The following FGF13 variants were observed in gnomAD, a reference collection of about 807,000 sequenced individuals.
The protein encoded by FGF13 is fibroblast growth factor homologous factor 2.
FGF13 carries 2 observed loss-of-function variants against 19.5 expected under a neutral mutation model. That is an observed-to-expected ratio of 0.10 (90% confidence interval 0.04 to 0.32). The LOEUF (loss-of-function observed/expected upper bound fraction) is 0.32. FGF13 is among the 10% of genes least tolerant of loss of function. The probability of loss-of-function intolerance (pLI) is 1.00; values close to 1 mark genes in which losing one functional copy is unlikely to be tolerated. For missense variants in FGF13, 113 were observed against 192.7 expected, an observed-to-expected ratio of 0.59 and a Z score of 2.45; for synonymous variants, 72 against 76.9, an observed-to-expected ratio of 0.94 and a Z score of 0.33.
chrX:139,069,086 C>A (rs1324177536), intron 1 of FGF13, among the ~76,000 whole-genome samples: 4 of 104,020 alleles, frequency 3.8e-5, no homozygotes, highest in Non-Finnish European at 7.8e-5. Flanking sequence ...CTGGAAATAC[C>A]ATTTGACCCA....
intron 1 of FGF13, among the ~76,000 whole-genome samples, chrX:138,958,479 A>G (rs971630736): frequency 2.4e-4 from 27 of 110,765 alleles, no homozygotes; most frequent in Non-Finnish European, 4.2e-4. Flanking sequence ...ATATTGGTTT[A>G]AATTCTCTTT....
chrX:139,087,023 G>A (rs778964551), intron 1 of FGF13, among the ~76,000 whole-genome samples: 5 of 112,877 alleles, frequency 4.4e-5, no homozygotes, highest in Non-Finnish European at 9.4e-5. Context: ...CTGGCTGGGC[G>A]CAGTGGCTCA....
At chrX:139,083,851 C>T (rs1306865711) in intron 1 of FGF13, among the ~76,000 whole-genome samples, 10 of 110,676 alleles carry the variant, frequency 9.0e-5, no homozygotes, top group South Asian at 3.9e-4. Context: ...AGCCTGGCGA[C>T]GGAGACTCCT....
At chrX:138,862,159 A>G (rs2091291817) in intron 2 of FGF13, among the ~76,000 whole-genome samples, 1 of 112,272 alleles carries the variant, frequency 8.9e-6, no homozygotes, top group African/African-American at 3.2e-5. Context: ...AACCAGAGAC[A>G]GCCTAGGAAA....
rs948652650 is a variant in FGF13 at position 138,622,013 on chromosome X, CCAA to C, written c.*10834_*10836del. 6 of 109,431 alleles carry C rather than the reference CCAA, an allele frequency of 5.5e-5. No individual in the cohort carries two copies. Among genetic ancestry groups the C allele is most frequent in the Non-Finnish European group, 9.5e-5 (5 of 52,547 alleles). 9.0% of individuals were successfully genotyped at this position (109,431 alleles called of 1,213,427 possible). The stretch of plus-strand genomic sequence containing the variant: ...AGATGGCTTCAGTGGTGAATTCTAC[CCAA>C]CATTTAAAGAAAATCTAATATCAAT... On this transcript the variant is annotated 3_prime_UTR_variant, in exon 5 of 5. Coordinates refer to ENST00000315930, the MANE Select transcript of FGF13 (RefSeq NM_004114.5).
chrX:139,071,148 C>T (rs975048427), intron 1 of FGF13, among the ~76,000 whole-genome samples: 1 of 111,172 alleles, frequency 9.0e-6, no homozygotes, highest in South Asian at 3.8e-4. Context: ...AAAGAAAATC[C>T]AACACTGAGA....
At chrX:138,951,786 C>T (rs961013994) in intron 1 of FGF13, among the ~76,000 whole-genome samples, 3 of 111,664 alleles carry the variant, frequency 2.7e-5, no homozygotes, top group East Asian at 2.8e-4. Flanking sequence ...TTGCTAGTAC[C>T]CTGTTAGGTA....
At chrX:139,097,575 G>A (rs1162170330) in intron 1 of FGF13, among the ~76,000 whole-genome samples, 1 of 111,729 alleles carries the variant, frequency 9.0e-6, no homozygotes, top group Non-Finnish European at 1.9e-5. Flanking sequence ...TTAAAGGAGA[G>A]AGAAAAATAA....
Position 139,090,386 on chromosome X carries a change from T to A in FGF13, c.-113+113030A>T, listed in dbSNP as rs2083432152. 2.7e-5 allele frequency among the ~76,000 whole-genome samples: 3 copies of A among 111,409 alleles called. No individual in the cohort carries two copies. In the Admixed American group the frequency reaches 2.9e-4, roughly 11 times the overall value. Reference sequence around the variant, plus strand: ...TAGCAAAGACTCATGGAGTGCTTAGTACATAACAGGCATTAATACCTGTTA... The same window carrying A: ...TAGCAAAGACTCATGGAGTGCTTAGAACATAACAGGCATTAATACCTGTTA... On this transcript the variant is annotated intron_variant, in intron 1 of 2. Transcript: ENST00000421460.
At position 138,617,047 on chromosome X, in the gene FGF13, C is replaced by T. The variant is rs1161504114; in HGVS notation, c.*15803G>A. The T allele has an allele frequency of 4.5e-5, 5 of 111,872 alleles. No individual in the cohort carries two copies. 9.2% of individuals were successfully genotyped at this position (111,872 alleles called of 1,213,427 possible). A position where few individuals can be genotyped will look rare whatever the true frequency, so the allele number is the denominator to read the frequency against. On this transcript the variant is annotated 3_prime_UTR_variant, in exon 5 of 5. Coordinates refer to ENST00000315930, the MANE Select transcript of FGF13 (RefSeq NM_004114.5). ...TAATGGGAGAGGCTGCAGTGAAGGT[C>T]TCTGACATGCCCTAGAGACATTCTC... is the stretch of plus-strand genomic sequence containing the variant.
chrX:139,088,072 T>C (rs938736989), intron 1 of FGF13, among the ~76,000 whole-genome samples: 33 of 111,736 alleles, frequency 3.0e-4, no homozygotes, highest in Non-Finnish European at 9.4e-5. Flanking sequence ...AACACATCCA[T>C]GCGGCCATTT....
At chrX:138,919,620 T>A (rs181403932) in intron 1 of FGF13, among the ~76,000 whole-genome samples, 76 of 112,035 alleles carry the variant, frequency 6.8e-4, no homozygotes, top group Admixed American at 1.6e-3. Context: ...TTTCAAAAGG[T>A]TACATACTAT....
intron 1 of FGF13, among the ~76,000 whole-genome samples, chrX:138,727,288 GC>G (rs2090192950): frequency 2.7e-5 from 3 of 110,100 alleles, no homozygotes; most frequent in African/African-American, 9.9e-5. Flanking sequence ...TATCAATGAG[GC>G]ACAGGAAGCA....
chrX:138,990,119 A>G lies in FGF13; in HGVS notation c.-112-125469T>C, dbSNP rs751653114. Among the ~76,000 whole-genome samples, 8 of 111,279 alleles carry G rather than the reference A, an allele frequency of 7.2e-5. No homozygotes were observed. In the South Asian group the frequency reaches 3.0e-3, roughly 42 times the overall value. ...AAAATTAAAGACTTCCTTTTTTTCC[A>G]GAAATACACTGAATGATACCTTCAG... is the stretch of plus-strand genomic sequence containing the variant. On this transcript the variant is annotated intron_variant, in intron 1 of 2. Coordinates refer to the FGF13 transcript ENST00000421460.
intron 1 of FGF13, among the ~76,000 whole-genome samples, chrX:138,963,824 T>C: frequency 8.9e-6 from 1 of 112,199 alleles, no homozygotes; most frequent in Non-Finnish European, 1.9e-5. Context: ...TGTAGTTAAC[T>C]GGAAAATTAT....
rs985545283 is a variant in FGF13, at chrX:139,005,205, C to T, written c.-112-140555G>A. ...TGCTTGTGTCACTGCCCCCCCCCCC[C>T]CCCCAGCTCCAGGTGGTACAGAACA... On this transcript the variant is annotated intron_variant, in intron 1 of 2. Transcript: ENST00000421460. Among the ~76,000 whole-genome samples, 17 of 74,287 alleles carry T rather than the reference C, an allele frequency of 2.3e-4. 2 individuals carry two copies. Among genetic ancestry groups the T allele is most frequent in the African/African-American group, 6.9e-4 (16 of 23,075 alleles). 64.5% of individuals were successfully genotyped at this position (74,287 alleles called of 115,157 possible).
chrX:138,806,856 T>C (rs1331107803), intron 3 of FGF13: 3 of 111,482 alleles, frequency 2.7e-5, no homozygotes, highest in Admixed American at 9.5e-5. Context: ...GCCAGACAGC[T>C]GGAGGAGAAA....
intron 1 of FGF13, among the ~76,000 whole-genome samples, chrX:139,036,298 G>A (rs1337969787): frequency 9.0e-6 from 1 of 111,020 alleles, no homozygotes; most frequent in Admixed American, 9.6e-5. Context: ...GTGCTTGGGG[G>A]TCTCCAAGAA....
chrX:138,741,604 C>T (rs748903847), upstream of FGF13, among the ~76,000 whole-genome samples: 1 of 111,343 alleles, frequency 9.0e-6, no homozygotes, highest in East Asian at 2.9e-4. Flanking sequence ...CTATTCTCCT[C>T]GTCATCAGAG....
Sources: allele counts gnomAD v4.1 joint callset (sites outside exome capture counted in the v4.1 genomes callset), GRCh38; gene constraint gnomAD v4.1.1; transcripts MANE v1.5; gene names NCBI Gene and HGNC (gene_info 2026-07-23, HGNC 2026-07-21).